TMPRSS15: variants seen among roughly 807,000 people sequenced by gnomAD.
TMPRSS15 encodes enteropeptidase.
In TMPRSS15, 128 loss-of-function variants were observed where a neutral mutation model predicts 125.3. That is an observed-to-expected ratio of 1.02 (90% CI 0.89 to 1.18). TMPRSS15 has a LOEUF of 1.18. Ranked by LOEUF, TMPRSS15 falls within the 50% of genes most tolerant of loss-of-function variation. The pLI is 0.00. For missense variants in TMPRSS15, 1,283 were observed against 1,212.7 expected (o/e 1.06, Z -0.86); for synonymous variants, 446 against 423.2 (o/e 1.05, Z -0.66).
In TMPRSS15 at chr21:18,447,442, A is replaced by AG. The variant is rs1318441486; in HGVS notation, c.10+38356_10+38357insC. Among the ~76,000 whole-genome samples, 4 of 148,522 alleles carry AG rather than the reference A, an allele frequency of 2.7e-5. No individual in the cohort carries two copies. In the East Asian group the frequency reaches 7.8e-4, roughly 29 times the overall value. ...GCGACAGAGTAAGACTTCAACTCAAAAAAAAAAAAAAAAAAAGACATACAA... is the reference window on the plus strand; with the variant it reads ...GCGACAGAGTAAGACTTCAACTCAAAGAAAAAAAAAAAAAAAAGACATACAA... On this transcript the variant is annotated intron_variant, in intron 1 of 7. Transcript: ENST00000422787.
chr21:18,279,147 A>T, intron 22 of TMPRSS15, 88 bp from the exon 23 acceptor site: 1 of 746,158 alleles, frequency 1.3e-6, no homozygotes, highest in Non-Finnish European at 2.3e-6. Context: ...TTAAAAATCA[A>T]TAACAGTTAA....
At position 18,343,660 on chromosome 21, in the gene TMPRSS15, G is replaced by T; in HGVS notation, c.1278-4C>A. 1 of 1,613,082 alleles carries T rather than the reference G, an allele frequency of 6.2e-7. No individual in the cohort carries two copies. Among genetic ancestry groups the T allele is most frequent in the Non-Finnish European group, 8.5e-7 (1 of 1,179,506 alleles). On this transcript the variant is annotated splice_polypyrimidine_tract_variant and splice_region_variant and intron_variant, in intron 11 of 24. Transcript: ENST00000284885. ...ATTTTCACCATACATATGATACCTA[G>T]TTTGGAAAGAAGCAAAAATGTTTGG...
intron 6 of TMPRSS15, among the ~76,000 whole-genome samples, chr21:18,371,402 A>G (rs1199752858): frequency 6.6e-6 from 1 of 152,204 alleles, no homozygotes; most frequent in Non-Finnish European, 1.5e-5. Context: ...ACACAGAAAC[A>G]AATTACCTAC....
At position 18,297,839 on chromosome 21, in the gene TMPRSS15, A is replaced by G; in HGVS notation, c.2166-10T>C. 6.3e-7 allele frequency: 1 copy of G among 1,586,324 alleles called. No homozygotes were observed. Among genetic ancestry groups the G allele is most frequent in the Non-Finnish European group, 8.7e-7 (1 of 1,154,878 alleles). On this transcript the variant is annotated splice_polypyrimidine_tract_variant and intron_variant, in intron 18 of 24. Transcript: ENST00000284885. ...TGATGAGTTTCCACTCCTAGAGAAA[A>G]AAGAAAAAAGCATACAGACAAAACA... is the stretch of plus-strand genomic sequence containing the variant.
rs2122952650 is a variant in TMPRSS15 at position 18,461,587 on chromosome 21, T to C, written c.10+24212A>G. ...GGAAGGGAAAATCAATATCTTACAG[T>C]ACAGTTTTCATTCTAAGAAATACTA... On this transcript the variant is annotated intron_variant, in intron 1 of 7. Coordinates refer to the TMPRSS15 transcript ENST00000422787. Among the ~76,000 whole-genome samples, 196 of 152,258 alleles carry C rather than the reference T, an allele frequency of 1.3e-3. 3 individuals are homozygous for C. The East Asian group carries it at 0.031, about 24-fold the overall frequency.
At chr21:18,365,113 A>G in intron 7 of TMPRSS15, 27 bp downstream of exon 7, 1 of 1,585,168 alleles carries the variant, frequency 6.3e-7, no homozygotes, top group Non-Finnish European at 8.7e-7. Context: ...ATGACTTAAG[A>G]ACAGAAAATA....
At chr21:18,442,812 T>C (rs2123236840) in intron 1 of TMPRSS15, among the ~76,000 whole-genome samples, 1 of 152,330 alleles carries the variant, frequency 6.6e-6, no homozygotes, top group Non-Finnish European at 1.5e-5. Flanking sequence ...TGCAGTGTTC[T>C]GAAAGAATAA....
chr21:18,271,770 G>C (rs1026178942), intron 24 of TMPRSS15, among the ~76,000 whole-genome samples: 1 of 151,834 alleles, frequency 6.6e-6, no homozygotes, highest in African/African-American at 2.4e-5. Flanking sequence ...GTTGTTCCCT[G>C]TCCTGTGTCC....
chr21:18,339,490 T>C (rs552108036), intron 13 of TMPRSS15, among the ~76,000 whole-genome samples: 39 of 152,332 alleles, frequency 2.6e-4, no homozygotes, highest in African/African-American at 8.9e-4. Context: ...AAACCAAATT[T>C]GGATAGGCTC....
intron 1 of TMPRSS15, among the ~76,000 whole-genome samples, chr21:18,473,584 C>A (rs1352300491): frequency 2.6e-5 from 4 of 151,954 alleles, no homozygotes; most frequent in African/African-American, 9.7e-5. Flanking sequence ...TAATCATTCA[C>A]AGGGTTACCT....
At chr21:18,427,844 G>A (rs1441411229) in intron 1 of TMPRSS15, among the ~76,000 whole-genome samples, 1 of 230 alleles carries the variant, frequency 4.3e-3, no homozygotes, top group Non-Finnish European at 9.6e-3. Context: ...AACATTTGAA[G>A]CTTTGATAAG....
At chr21:18,392,225 A>G (rs1349615129) in intron 3 of TMPRSS15, among the ~76,000 whole-genome samples, 1 of 152,186 alleles carries the variant, frequency 6.6e-6, no homozygotes, top group Non-Finnish European at 1.5e-5. Context: ...TCCCCAGGAA[A>G]TGGGTTTTTC....
Position 18,440,476 on chromosome 21 carries a change from T to C in TMPRSS15, c.11-42147A>G, listed in dbSNP as rs372177893. On this transcript the variant is annotated intron_variant, in intron 1 of 7. Coordinates refer to the TMPRSS15 transcript ENST00000422787. ...TAAGAAAGCTTTGAGATCATAAATC[T>C]TAGAACCTCCATTTCCCTAACTATT... Among the ~76,000 whole-genome samples, 12 of 151,882 alleles carry C rather than the reference T, an allele frequency of 7.9e-5. No homozygotes were observed. The East Asian group carries it at 1.5e-3, about 20-fold the overall frequency.
chr21:18,396,808 G>GTCTGTCTGTCTGTCTATCTA (rs1461927983), intron 3 of TMPRSS15, among the ~76,000 whole-genome samples: 1,833 of 107,812 alleles, frequency 0.017, 33 homozygotes, highest in South Asian at 0.027. Flanking sequence ...CTGTCTGTCT[G>GTCTGTCTGTCTGTCTATCTA]TCTATCTATC....
chr21:18,353,754 T>C lies in TMPRSS15; in HGVS notation c.990A>G (p.Thr330=). ...GCTCACTGCTGTTAAATGCAGTATA[T>C]GTTGCATTAAAGCCAACATAATCAC... ...DESDYVGFNA[T]YTAFNSSELN... The change falls in exon 9 of 25, where the codon ACA becomes ACG. Residue 330 remains threonine, a synonymous_variant. Coordinates refer to ENST00000284885, the MANE Select transcript of TMPRSS15 (RefSeq NM_002772.3). 1 of 1,611,660 alleles carries C rather than the reference T, an allele frequency of 6.2e-7. No individual in the cohort carries two copies. The highest frequency in any genetic ancestry group is 8.5e-7 in the Non-Finnish European group (1 of 1,178,398).
chr21:18,269,654 TAAC>T lies in TMPRSS15; in HGVS notation c.*312_*314del, dbSNP rs940954367. The T allele has an allele frequency of 7.1e-6, 2 of 282,118 alleles. No homozygotes were observed. Among genetic ancestry groups the T allele is most frequent in the African/African-American group, 4.5e-5 (2 of 44,750 alleles). The allele number at this position is 282,118 out of a possible 1,614,324, so 17.5% of individuals were successfully genotyped here. On this transcript the variant is annotated 3_prime_UTR_variant, in exon 25 of 25. Transcript: ENST00000284885. ...TAAGTGTATGGTATATGCTTTAAAA[TAAC>T]ATCCCTTTAAACAACAGTAAGTAAT...
chr21:18,392,641 A>C (rs1358865549), intron 3 of TMPRSS15, among the ~76,000 whole-genome samples: 1 of 152,184 alleles, frequency 6.6e-6, no homozygotes, highest in Non-Finnish European at 1.5e-5. Flanking sequence ...TCTTTATGGC[A>C]GTACCCCATT....
At chr21:18,475,548 T>C (rs898797189) in intron 1 of TMPRSS15, among the ~76,000 whole-genome samples, 4 of 152,124 alleles carry the variant, frequency 2.6e-5, no homozygotes, top group Admixed American at 1.3e-4. Context: ...GCCATGATAG[T>C]GCCACTGCAC....
At chr21:18,375,807 A>G (rs942337177) in intron 5 of TMPRSS15, among the ~76,000 whole-genome samples, 1 of 152,192 alleles carries the variant, frequency 6.6e-6, no homozygotes, top group African/African-American at 2.4e-5. Flanking sequence ...TGTCCAAAAA[A>G]TTTCCAGTGA....
Sources: gnomAD v4.1 joint callset for allele counts (sites outside exome capture counted in the v4.1 genomes callset) on GRCh38, gnomAD v4.1.1 for gene constraint, MANE v1.5 for transcripts, NCBI Gene and HGNC (gene_info 2026-07-23, HGNC 2026-07-21) for gene names.